The following EEF1AKMT1 variants were observed in gnomAD, a reference collection of about 807,000 sequenced individuals.
EEF1AKMT1 encodes the protein N-6 adenine-specific DNA methyltransferase 2 (putative).
In EEF1AKMT1, 18 loss-of-function variants were observed where a neutral mutation model predicts 21.0. The ratio of observed to expected loss-of-function variants is 0.86; its 90% CI spans 0.59 to 1.27. EEF1AKMT1 has a LOEUF of 1.27. Among genes scored for constraint, EEF1AKMT1 ranks in the 50% most tolerant of loss-of-function variants. The pLI, the probability that EEF1AKMT1 is intolerant of heterozygous loss-of-function variation, is 0.00. For missense variants in EEF1AKMT1, 246 were observed against 258.6 expected (o/e 0.95, Z 0.33); for synonymous variants, 109 against 94.8 (o/e 1.15, Z -0.87).
intron 2 of EEF1AKMT1, among the ~76,000 whole-genome samples, chr13:20,748,726 G>GT (rs750094631): frequency 0.032 from 2,290 of 72,674 alleles, 255 homozygotes; most frequent in African/African-American, 0.081. Context: ...TTTTTTTTTG[G>GT]TTTTTTTTTT....
At chr13:20,734,998 A>G (rs1259593268) in intron 3 of EEF1AKMT1, among the ~76,000 whole-genome samples, 1 of 152,174 alleles carries the variant, frequency 6.6e-6, no homozygotes, top group Non-Finnish European at 1.5e-5. Flanking sequence ...CAAGAGTGCA[A>G]TTTCATGTTG....
At chr13:20,736,950 T>C (rs1196990676) in intron 3 of EEF1AKMT1, among the ~76,000 whole-genome samples, 2 of 150,720 alleles carry the variant, frequency 1.3e-5, no homozygotes, top group East Asian at 2.0e-4. Context: ...TCCAGGCTGG[T>C]CTCAAACTCC....
Position 20,766,904 on chromosome 13 carries a change from G to A in EEF1AKMT1, c.-20+7017C>T, listed in dbSNP as rs140134351. Reference sequence around the variant, plus strand: ...CCATTTCTCTTCTCCAAACCTTTGTGTTATTGTTGTCATACATTTTACTTT... The same window carrying A: ...CCATTTCTCTTCTCCAAACCTTTGTATTATTGTTGTCATACATTTTACTTT... On this transcript the variant is annotated intron_variant, in intron 1 of 4. Transcript: ENST00000382758. Among the ~76,000 whole-genome samples the A allele has an allele frequency of 7.9e-4, 121 of 152,230 alleles. 1 individual carries two copies. Among genetic ancestry groups the A allele is most frequent in the African/African-American group, 2.9e-3 (119 of 41,546 alleles).
In EEF1AKMT1 at chr13:20,737,714, G is replaced by C. The variant is rs762522651; in HGVS notation, c.227+9C>G. 6.2e-7 allele frequency: 1 copy of C among 1,608,742 alleles called. No homozygotes were observed. Among genetic ancestry groups the C allele is most frequent in the Non-Finnish European group, 8.5e-7 (1 of 1,177,096 alleles). On this transcript the variant is annotated intron_variant, in intron 3 of 4. Transcript: ENST00000382758. ...ATTAGATGCCAAAAAGAGAAAATTTGAATCTCACCTGCCACCTTCTCCTAC... is the reference window on the plus strand; with the variant it reads ...ATTAGATGCCAAAAAGAGAAAATTTCAATCTCACCTGCCACCTTCTCCTAC...
At chr13:20,766,464 T>C (rs1460356891) in intron 1 of EEF1AKMT1, among the ~76,000 whole-genome samples, 4 of 152,174 alleles carry the variant, frequency 2.6e-5, no homozygotes, top group African/African-American at 7.2e-5. Context: ...ATTTTATGAA[T>C]CTATTTCTTT....
intron 2 of EEF1AKMT1, among the ~76,000 whole-genome samples, chr13:20,749,212 T>A (rs1235236438): frequency 6.6e-6 from 1 of 152,240 alleles, no homozygotes; most frequent in Non-Finnish European, 1.5e-5. Flanking sequence ...CTAATTCTTC[T>A]AACATCCTCT....
chr13:20,732,585 G>A (rs1037819518), intron 3 of EEF1AKMT1, among the ~76,000 whole-genome samples: 4 of 152,026 alleles, frequency 2.6e-5, no homozygotes, highest in East Asian at 1.9e-4. Flanking sequence ...AGCCTGCCTC[G>A]GCCTCCCAAA....
intron 2 of EEF1AKMT1, among the ~76,000 whole-genome samples, chr13:20,743,460 T>C (rs2058884095): frequency 1.3e-5 from 2 of 151,386 alleles, no homozygotes; most frequent in African/African-American, 2.4e-5. Context: ...TTTCCAAATC[T>C]AGGATGCATC....
rs148953390 is a variant in EEF1AKMT1 at position 20,753,508 on chromosome 13, T to C, written c.144+3947A>G. Among the ~76,000 whole-genome samples the C allele has an allele frequency of 1.4e-4, 22 of 152,310 alleles. No homozygotes were observed. The East Asian group carries it at 4.2e-3, about 29-fold the overall frequency. ...TTGTTAATTTTCTATGTAGATGATC[T>C]ATCTAATGTTGGAGTATCCAGCTAT... is the stretch of plus-strand genomic sequence containing the variant. On this transcript the variant is annotated intron_variant, in intron 2 of 4. Coordinates refer to ENST00000382758, the MANE Select transcript of EEF1AKMT1 (RefSeq NM_001318939.2).
intron 4 of EEF1AKMT1, among the ~76,000 whole-genome samples, chr13:20,730,854 C>T (rs755608596): frequency 1.3e-5 from 2 of 152,182 alleles, no homozygotes; most frequent in African/African-American, 4.8e-5. Context: ...AGGTGTTGTC[C>T]TCTTCCATGG....
At chr13:20,747,105 C>A in intron 2 of EEF1AKMT1, 1 of 157,014 alleles carries the variant, frequency 6.4e-6, no homozygotes, top group South Asian at 2.0e-4. Context: ...GCTTCATTCT[C>A]ACAGGTTATC....
intron 2 of EEF1AKMT1, chr13:20,747,397 G>A: frequency 4.4e-6 from 1 of 227,198 alleles, no homozygotes; most frequent in South Asian, 7.8e-5. Flanking sequence ...CCACTCAGTT[G>A]CCCTCAACAC....
At chr13:20,731,751 G>C in intron 4 of EEF1AKMT1, 90 bp downstream of exon 4, 2 of 1,309,988 alleles carry the variant, frequency 1.5e-6, no homozygotes, top group East Asian at 2.3e-5. Flanking sequence ...AGTCACACAG[G>C]AAGTGGTGGA....
Position 20,743,898 on chromosome 13 carries a change from A to G in EEF1AKMT1, c.145-6093T>C, listed in dbSNP as rs150589279. On this transcript the variant is annotated intron_variant, in intron 2 of 4. Coordinates refer to ENST00000382758, the MANE Select transcript of EEF1AKMT1 (RefSeq NM_001318939.2). ...ATGTTCCCCTCCCTATGTCCATGCCATGTGTTCTCATTGTTCAATTCCCAC... is the reference window on the plus strand; with the variant it reads ...ATGTTCCCCTCCCTATGTCCATGCCGTGTGTTCTCATTGTTCAATTCCCAC... 8.1e-4 allele frequency among the ~76,000 whole-genome samples: 123 copies of G among 151,286 alleles called. No homozygotes were observed. In the East Asian group the frequency reaches 0.023, roughly 29 times the overall value.
chr13:20,758,563 A>G (rs2058982847), intron 1 of EEF1AKMT1, among the ~76,000 whole-genome samples: 1 of 152,188 alleles, frequency 6.6e-6, no homozygotes, highest in African/African-American at 2.4e-5. Flanking sequence ...CTCAGTATGA[A>G]AAACAGATGG....
At chr13:20,749,503 A>T (rs1391270406) in intron 2 of EEF1AKMT1, among the ~76,000 whole-genome samples, 3 of 152,222 alleles carry the variant, frequency 2.0e-5, no homozygotes, top group Non-Finnish European at 4.4e-5. Context: ...AGTACACAAG[A>T]GGTCAATGTA....
chr13:20,749,897 C>T (rs1489722021), intron 2 of EEF1AKMT1, among the ~76,000 whole-genome samples: 1 of 152,172 alleles, frequency 6.6e-6, no homozygotes, highest in Non-Finnish European at 1.5e-5. Context: ...TCTTTGTCAT[C>T]TGTATCCAGA....
chr13:20,737,597 A>G (rs897755141), intron 3 of EEF1AKMT1, 126 bp downstream of exon 3: 3 of 783,028 alleles, frequency 3.8e-6, no homozygotes, highest in South Asian at 1.8e-5. Flanking sequence ...AATCTGTCAT[A>G]TGCTGCAAAC....
intron 2 of EEF1AKMT1, among the ~76,000 whole-genome samples, chr13:20,739,222 G>A (rs970737463): frequency 2.6e-5 from 4 of 152,188 alleles, no homozygotes; most frequent in Admixed American, 6.5e-5. Flanking sequence ...GAGTGAAGCT[G>A]GAGACCTTCA....
Sources: allele counts gnomAD v4.1 joint callset (sites outside exome capture counted in the v4.1 genomes callset), GRCh38; gene constraint gnomAD v4.1.1; transcripts MANE v1.5; gene names NCBI Gene and HGNC (gene_info 2026-07-23, HGNC 2026-07-21).